The following FAM3B variants were observed in gnomAD, a reference collection of about 807,000 sequenced individuals.
FAM3B encodes FAM3 metabolism regulating signaling molecule B.
Under a neutral mutation model 28.4 loss-of-function variants are expected in FAM3B, and 29 were observed. The ratio of observed to expected loss-of-function variants is 1.02; its 90% CI spans 0.76 to 1.39. FAM3B has a LOEUF of 1.39. FAM3B is among the 40% of genes most tolerant of loss of function. The pLI is 0.00. For missense variants in FAM3B, 266 were observed against 293.9 expected (o/e 0.91, Z 0.69); for synonymous variants, 91 against 103.0 (o/e 0.88, Z 0.71).
rs1191447421 is a variant in FAM3B, at chr21:41,326,735, C to A, written c.163+3669C>A. On this transcript the variant is annotated intron_variant, in intron 2 of 7. Coordinates refer to ENST00000357985, the MANE Select transcript of FAM3B (RefSeq NM_058186.4). This position sits in a 1 kb window ranked among gnomAD's most constrained non-coding sequence, Gnocchi z 4.0. Reference sequence around the variant, plus strand: ...CAGCACCAGCCCTTTGGGTGAGTGTCCTGGGTCCAAGGGTGGGAGTGCTGG... The same window carrying A: ...CAGCACCAGCCCTTTGGGTGAGTGTACTGGGTCCAAGGGTGGGAGTGCTGG... 6.6e-6 allele frequency among the ~76,000 whole-genome samples: 1 copy of A among 152,242 alleles called. No homozygotes were observed. The highest frequency in any genetic ancestry group is 1.5e-5 in the Non-Finnish European group (1 of 68,028).
At chr21:41,333,801 G>A (rs545152157) in intron 2 of FAM3B, among the ~76,000 whole-genome samples, 58 of 152,330 alleles carry the variant, frequency 3.8e-4, no homozygotes, top group Admixed American at 3.0e-3. Context: ...ACAAGAAGAT[G>A]AGGGAAAGTT....
upstream of FAM3B, among the ~76,000 whole-genome samples, chr21:41,314,774 A>AAG (rs1555867065): frequency 1.3e-5 from 2 of 149,892 alleles, no homozygotes; most frequent in Non-Finnish European, 3.0e-5. Flanking sequence ...AAAAAAAAAA[A>AAG]AGAGAGAGAT....
chr21:41,314,816 C>G (rs530540804), upstream of FAM3B, among the ~76,000 whole-genome samples: 128 of 150,746 alleles, frequency 8.5e-4, 1 homozygote, highest in Non-Finnish European at 1.6e-3. Context: ...TGTAGAGAAA[C>G]TGGATGCCCT....
intron 7 of FAM3B, among the ~76,000 whole-genome samples, chr21:41,356,040 T>TACACAC (rs59345837): frequency 0.017 from 2,097 of 119,894 alleles, 58 homozygotes; most frequent in Admixed American, 0.076. Context: ...AAAAAATACA[T>TACACAC]ACACACACAC....
chr21:41,357,056 T>C, intron 7 of FAM3B, 52 bp from the exon 8 acceptor site: 2 of 1,381,986 alleles, frequency 1.4e-6, no homozygotes, highest in South Asian at 1.3e-5. Context: ...ACTGATTAAA[T>C]ACTTGTTTAT....
chr21:41,352,820 T>TAAACAAAC (rs150654301), intron 7 of FAM3B, among the ~76,000 whole-genome samples: 42 of 150,112 alleles, frequency 2.8e-4, no homozygotes, highest in Admixed American at 1.2e-3. Context: ...AATAAATAAA[T>TAAACAAAC]AAATAAAGGA....
At chr21:41,322,765 G>T in intron 1 of FAM3B, 158 bp from the exon 2 acceptor site, 1 of 979,202 alleles carries the variant, frequency 1.0e-6, no homozygotes, top group Non-Finnish European at 1.6e-6. Flanking sequence ...TCCTGACACC[G>T]CCTCCCACCC....
intron 2 of FAM3B, among the ~76,000 whole-genome samples, chr21:41,335,789 A>G (rs2088950458): frequency 6.6e-6 from 1 of 152,172 alleles, no homozygotes; most frequent in African/African-American, 2.4e-5. Flanking sequence ...GTCTTCTTAC[A>G]TTTATTAAGT....
chr21:41,351,952 A>G (rs2145833831), intron 7 of FAM3B, among the ~76,000 whole-genome samples: 1 of 152,326 alleles, frequency 6.6e-6, no homozygotes, highest in Non-Finnish European at 1.5e-5. Flanking sequence ...TTGGCACTTC[A>G]TAGGCCTGCG....
chr21:41,336,129 T>C (rs993597036), intron 2 of FAM3B, among the ~76,000 whole-genome samples: 1 of 152,218 alleles, frequency 6.6e-6, no homozygotes, highest in African/African-American at 2.4e-5. Flanking sequence ...GTTTCCACCA[T>C]GTCAGGACAC....
In FAM3B at chr21:41,316,870, C is replaced by A; in HGVS notation, c.-10C>A. On this transcript the variant is annotated 5_prime_UTR_variant, in exon 1 of 8. Transcript: ENST00000357985. ...GCCGCCAGGGCCAGGAGGGGAGCGG[C>A]ACCTGGAAGATGCGCCCATTGGCTG... 4 of 1,416,186 alleles carry A rather than the reference C, an allele frequency of 2.8e-6. No individual in the cohort carries two copies. The highest frequency in any genetic ancestry group is 2.8e-6 in the Non-Finnish European group (3 of 1,087,538). 87.7% of individuals were successfully genotyped at this position (1,416,186 alleles called of 1,614,324 possible).
At chr21:41,327,438 G>GGTT (rs1331225025) in intron 2 of FAM3B, among the ~76,000 whole-genome samples, 1 of 152,182 alleles carries the variant, frequency 6.6e-6, no homozygotes, top group East Asian at 1.9e-4. Context: ...GGTTAGTAGA[G>GGTT]GTTGGAGAAA....
intron 2 of FAM3B, 68 bp downstream of exon 2, chr21:41,323,134 C>T: frequency 6.3e-7 from 1 of 1,577,372 alleles, no homozygotes; most frequent in Non-Finnish European, 8.6e-7. Context: ...GTGGTGGTTT[C>T]TGTCCCAGCT....
rs750041020 is a variant in FAM3B at position 41,357,227 on chromosome 21, G to A, written c.*30G>A. On this transcript the variant is annotated 3_prime_UTR_variant, in exon 8 of 8. Coordinates refer to ENST00000357985, the MANE Select transcript of FAM3B (RefSeq NM_058186.4). ...GCAGGGTCCTGAGTAAATGTGTTCT[G>A]TATAAACAAATGCAGCTGGAATCGC... The A allele has an allele frequency of 6.7e-6, 10 of 1,495,794 alleles. No individual in the cohort carries two copies. In the East Asian group the frequency reaches 2.0e-4, roughly 31 times the overall value. The allele number at this position is 1,495,794 out of a possible 1,614,324, so 92.7% of individuals were successfully genotyped here. A position where few individuals can be genotyped will look rare whatever the true frequency, so the allele number is the denominator to read the frequency against.
upstream of FAM3B, among the ~76,000 whole-genome samples, chr21:41,313,803 G>T (rs971206388): frequency 3.3e-5 from 5 of 151,806 alleles, no homozygotes. Context: ...GGGCATTTTT[G>T]TTGTTGTTGT....
intron 4 of FAM3B, among the ~76,000 whole-genome samples, chr21:41,344,765 G>GA (rs1568921253): frequency 6.6e-6 from 1 of 152,006 alleles, no homozygotes. Flanking sequence ...TTTAAAAAAA[G>GA]AAAAAAACAG....
At chr21:41,317,628 T>C (rs1279699932) in intron 1 of FAM3B, among the ~76,000 whole-genome samples, 1 of 152,086 alleles carries the variant, frequency 6.6e-6, no homozygotes, top group East Asian at 1.9e-4. Flanking sequence ...GGATTCCTCC[T>C]GGAGCGACGT....
At chr21:41,309,486 G>A (rs939980768) in intron 1 of FAM3B, among the ~76,000 whole-genome samples, 1 of 152,164 alleles carries the variant, frequency 6.6e-6, no homozygotes, top group East Asian at 1.9e-4. Context: ...AAACCCATAA[G>A]GGACACGTGG....
chr21:41,308,692 C>T (rs1045598079), intron 1 of FAM3B, among the ~76,000 whole-genome samples: 14 of 151,794 alleles, frequency 9.2e-5, no homozygotes, highest in African/African-American at 3.4e-4. Flanking sequence ...GGCATGCACC[C>T]CTACACCCGA....
Sources: gnomAD v4.1 joint callset for allele counts (sites outside exome capture counted in the v4.1 genomes callset) on GRCh38, gnomAD v4.1.1 for gene constraint, Gnocchi (gnomAD v3.1) non-coding constraint, MANE v1.5 for transcripts, NCBI Gene and HGNC (gene_info 2026-07-23, HGNC 2026-07-21) for gene names.